APBB2: variants seen among roughly 807,000 people sequenced by gnomAD.
APBB2 encodes Fe65-like 1.
APBB2 carries 38 observed loss-of-function variants against 82.5 expected under a neutral mutation model. That is an observed-to-expected ratio of 0.46 (90% CI 0.36 to 0.60). The LOEUF (loss-of-function observed/expected upper bound fraction) is 0.60, where lower values mean the gene tolerates loss of function less well. Among genes scored for constraint, APBB2 ranks in the 20% least tolerant of loss-of-function variants. The probability of loss-of-function intolerance (pLI) is 0.00; values close to 1 mark genes in which losing one functional copy is unlikely to be tolerated. For missense variants in APBB2, 772 were observed against 972.3 expected (o/e 0.79, Z 2.74); for synonymous variants, 341 against 368.2 (o/e 0.93, Z 0.85).
At chr4:41,203,737 C>T (rs1777274706) in intron 1 of APBB2, among the ~76,000 whole-genome samples, 1 of 152,144 alleles carries the variant, frequency 6.6e-6, no homozygotes, top group Admixed American at 6.5e-5. Flanking sequence ...GCCTGGTTCC[C>T]TTCCTGTGTG....
At chr4:41,102,288 T>C (rs575071210) in intron 2 of APBB2, among the ~76,000 whole-genome samples, 1 of 152,322 alleles carries the variant, frequency 6.6e-6, no homozygotes, top group African/African-American at 2.4e-5. Flanking sequence ...CATTTATTAC[T>C]ATTGCCATTG....
intron 10 of APBB2, among the ~76,000 whole-genome samples, chr4:40,919,793 CTT>C (rs1303970588): frequency 3.3e-5 from 5 of 152,220 alleles, no homozygotes; most frequent in Non-Finnish European, 5.9e-5. Flanking sequence ...TACAACACGT[CTT>C]GTTTCATCTT....
intron 4 of APBB2, among the ~76,000 whole-genome samples, chr4:41,058,108 CTT>C (rs1728478294): frequency 6.6e-6 from 1 of 152,186 alleles, no homozygotes; most frequent in Non-Finnish European, 1.5e-5. Context: ...AGGTAGGCTT[CTT>C]TCCAGGGCAT....
chr4:41,118,528 A>T (rs1184222979), intron 2 of APBB2, among the ~76,000 whole-genome samples: 1 of 152,218 alleles, frequency 6.6e-6, no homozygotes, highest in Admixed American at 6.5e-5. Flanking sequence ...ATCAAATGGC[A>T]TCTATTAAAT....
At chr4:41,100,428 G>A (rs1162207275) in intron 3 of APBB2, among the ~76,000 whole-genome samples, 3 of 151,280 alleles carry the variant, frequency 2.0e-5, no homozygotes, top group African/African-American at 4.9e-5. Flanking sequence ...CAAAAGAAAT[G>A]GCACAATGTA....
intron 6 of APBB2, among the ~76,000 whole-genome samples, chr4:40,951,388 A>AT (rs1790116347): frequency 6.6e-6 from 1 of 152,222 alleles, no homozygotes; most frequent in Admixed American, 6.5e-5. Context: ...TAGTCGAGGT[A>AT]TTTTTCAGTA....
At chr4:41,037,392 T>G (rs1719644901) in intron 4 of APBB2, among the ~76,000 whole-genome samples, 2 of 152,190 alleles carry the variant, frequency 1.3e-5, no homozygotes. Context: ...TAAAAATAAT[T>G]TCACCTTTTT....
In APBB2 at chr4:41,014,356, C is replaced by T; in HGVS notation, c.62G>A (p.Ser21Asn). The T allele has an allele frequency of 6.2e-7, 1 of 1,614,108 alleles. No individual in the cohort carries two copies. Among genetic ancestry groups the T allele is most frequent in the Non-Finnish European group, 8.5e-7 (1 of 1,180,030 alleles). The change falls in exon 6 of 18, where the codon AGC (serine) becomes AAC (asparagine). Residue 21 changes from serine to asparagine, a missense_variant. By Grantham distance (46) the Ser-to-Asn change is conservative. Transcript: ENST00000508593. The part of the protein sequence containing the change: ...VDTLAVFMAS[S>N]GTTDVTNRNS... ...CCGATTTGTGACGTCTGTAGTTCCG[C>T]TGCTGGCCATAAACACTGCCAAGGT... is the stretch of plus-strand genomic sequence containing the variant.
chr4:40,833,426 A>G (rs754402786), intron 12 of APBB2, among the ~76,000 whole-genome samples: 1 of 152,196 alleles, frequency 6.6e-6, no homozygotes, highest in Non-Finnish European at 1.5e-5. Flanking sequence ...CCCTCCCCAC[A>G]CTGTCCAGCG....
At chr4:41,103,835 T>C (rs1002159614) in intron 2 of APBB2, among the ~76,000 whole-genome samples, 1 of 152,176 alleles carries the variant, frequency 6.6e-6, no homozygotes, top group African/African-American at 2.4e-5. Context: ...CAATCACAAG[T>C]ATTAATAGGT....
At chr4:41,058,753 A>T (rs931672929) in intron 4 of APBB2, among the ~76,000 whole-genome samples, 2 of 152,220 alleles carry the variant, frequency 1.3e-5, no homozygotes, top group Admixed American at 1.3e-4. Context: ...GGTGACAAAA[A>T]TATCTTAAAA....
chr4:41,165,461 G>A lies in APBB2; in HGVS notation c.-416-22319C>T, dbSNP rs78660777. 7.0e-3 allele frequency among the ~76,000 whole-genome samples: 1,066 copies of A among 152,254 alleles called. 14 individuals are homozygous for A. Among genetic ancestry groups the A allele is most frequent in the South Asian group, 0.033 (161 of 4,828 alleles). On this transcript the variant is annotated intron_variant, in intron 1 of 17. Coordinates refer to ENST00000508593, the MANE Select transcript of APBB2 (RefSeq NM_004307.2). ...ACCCATGTAACCAAGTACCCCGATA[G>A]TTCTCAGAATCGGTTTTTTCTCTCT...
intron 12 of APBB2, among the ~76,000 whole-genome samples, chr4:40,868,519 T>A (rs1764619523): frequency 6.6e-6 from 1 of 152,218 alleles, no homozygotes; most frequent in African/African-American, 2.4e-5. Flanking sequence ...CCATGACATG[T>A]GAAATGTGTC....
At chr4:40,929,949 C>T (rs1035802591) in intron 10 of APBB2, among the ~76,000 whole-genome samples, 2 of 152,130 alleles carry the variant, frequency 1.3e-5, no homozygotes, top group Non-Finnish European at 2.9e-5. Context: ...AGACAGATTA[C>T]GGTGCTATTA....
intron 1 of APBB2, among the ~76,000 whole-genome samples, chr4:41,208,266 G>T (rs1778446263): frequency 6.6e-6 from 1 of 151,980 alleles, no homozygotes; most frequent in African/African-American, 2.4e-5. Flanking sequence ...CCAATATTCT[G>T]CATTCTTTTT....
intron 6 of APBB2, among the ~76,000 whole-genome samples, chr4:40,965,532 C>T (rs1053697149): frequency 2.0e-5 from 3 of 151,944 alleles, no homozygotes; most frequent in African/African-American, 4.8e-5. Context: ...CAGTATAAAA[C>T]GCACATGAAT....
chr4:40,878,053 G>C (rs1767371934), intron 12 of APBB2, among the ~76,000 whole-genome samples: 1 of 148,370 alleles, frequency 6.7e-6, no homozygotes. Context: ...CTGAGCATTA[G>C]AGAAGCAATC....
At chr4:40,930,599 C>T (rs553156635) in intron 10 of APBB2, among the ~76,000 whole-genome samples, 1 of 152,106 alleles carries the variant, frequency 6.6e-6, no homozygotes, top group Non-Finnish European at 1.5e-5. Flanking sequence ...GAAGTGTCCC[C>T]ATCCTGACAG....
intron 6 of APBB2, among the ~76,000 whole-genome samples, chr4:40,948,148 T>C (rs916759401): frequency 3.2e-4 from 49 of 152,160 alleles, no homozygotes; most frequent in African/African-American, 1.1e-3. Flanking sequence ...CCAAGAAATC[T>C]TGAGTGAGAT....
Sources: gnomAD v4.1 joint callset for allele counts (sites outside exome capture counted in the v4.1 genomes callset) on GRCh38, gnomAD v4.1.1 for gene constraint, MANE v1.5 for transcripts, NCBI Gene and HGNC (gene_info 2026-07-23, HGNC 2026-07-21) for gene names.